Variants in CCDC88C observed in about 807,000 individuals in gnomAD.
CCDC88C encodes the protein coiled-coil and HOOK domain protein 88C, also known as protein Daple.
In CCDC88C, 131 loss-of-function variants were observed where a neutral mutation model predicts 198.8. That is an observed-to-expected ratio of 0.66 (90% CI 0.57 to 0.76). CCDC88C has a LOEUF of 0.76. CCDC88C is among the 30% of genes least tolerant of loss of function. The pLI is 0.00. For missense variants in CCDC88C, 2,553 were observed against 2,631.6 expected (o/e 0.97, Z 0.65); for synonymous variants, 1,166 against 1,114.7 (o/e 1.05, Z -0.92).
chr14:91,313,153 T>C lies in CCDC88C; in HGVS notation c.2663A>G (p.Glu888Gly), dbSNP rs1848157145. Residue 888 changes from glutamate (E) to glycine (G), a missense_variant, in exon 15 of 30, where the codon GAG becomes GGG. Glu to Gly is a moderately conservative substitution (Grantham distance 98, BLOSUM62 -2). Around this residue, in one of 2 missense-constraint regions of CCDC88C, gnomAD observed 1,260 missense variants for 1,412.0 expected, o/e 0.89. Coordinates refer to ENST00000389857, the MANE Select transcript of CCDC88C (RefSeq NM_001080414.4). The surrounding 1 kb of genome is among the most constrained non-coding windows in gnomAD (Gnocchi z 5.2). ...GAGGTCCCGGTTGTCCTTCTCCAGC[T>C]CCTTCAGCTTGCCGGCTGCGTCCCT... ...RCRDAAGKLK[E>G]LEKDNRDLTK... The C allele has an allele frequency of 6.2e-7, 1 of 1,610,744 alleles. No homozygotes were observed. Among genetic ancestry groups the C allele is most frequent in the African/African-American group, 1.3e-5 (1 of 74,850 alleles).
At chr14:91,314,218 A>G (rs1400800789) in intron 14 of CCDC88C, 68 bp from the exon 15 acceptor site, 4 of 1,294,180 alleles carry the variant, frequency 3.1e-6, no homozygotes, top group Non-Finnish European at 2.1e-6. Context: ...ATGGGCTCAC[A>G]CTGGGGATGG....
At position 91,339,348 on chromosome 14, in the gene CCDC88C, C is replaced by G. The variant is rs750472814; in HGVS notation, c.739G>C (p.Glu247Gln). Residue 247 changes from glutamate (E) to glutamine (Q), a missense_variant, in exon 8 of 30, where the codon GAA becomes CAA. Transcript: ENST00000389857. The surrounding 1 kb of genome is among the most constrained non-coding windows in gnomAD (Gnocchi z 5.8). ...TPSPTSSLSSEDKQHLAVELA... is the reference protein window; with the variant it reads ...TPSPTSSLSSQDKQHLAVELA... ...TCTACGGCCAGGTGCTGCTTGTCTTCGCTAGAGAGGCTGCTGGTGGGGCTG... is the reference window on the plus strand; with the variant it reads ...TCTACGGCCAGGTGCTGCTTGTCTTGGCTAGAGAGGCTGCTGGTGGGGCTG... The G allele has an allele frequency of 9.3e-6, 15 of 1,613,818 alleles. No homozygotes were observed. Among genetic ancestry groups the G allele is most frequent in the Non-Finnish European group, 1.2e-5 (14 of 1,179,856 alleles).
At chr14:91,332,332 C>T (rs1157412646) in intron 10 of CCDC88C, among the ~76,000 whole-genome samples, 2 of 152,198 alleles carry the variant, frequency 1.3e-5, no homozygotes, top group Admixed American at 6.5e-5. Flanking sequence ...AGGGACACCC[C>T]ACGCCCGCCC....
At chr14:91,409,792 G>A (rs772137988) in intron 2 of CCDC88C, among the ~76,000 whole-genome samples, 4 of 152,144 alleles carry the variant, frequency 2.6e-5, no homozygotes, top group Non-Finnish European at 5.9e-5. Context: ...GGCCAAAATG[G>A]TACATTTTCT....
intron 3 of CCDC88C, among the ~76,000 whole-genome samples, chr14:91,387,124 C>T (rs146758672): frequency 1.8e-4 from 27 of 152,294 alleles, no homozygotes; most frequent in African/African-American, 6.5e-4. Context: ...CGCAACTGTC[C>T]ACATCCAAAA....
At chr14:91,282,791 T>C (rs1890249566) in intron 26 of CCDC88C, among the ~76,000 whole-genome samples, 1 of 152,166 alleles carries the variant, frequency 6.6e-6, no homozygotes, top group Non-Finnish European at 1.5e-5. Flanking sequence ...CCAGGTGTAG[T>C]GGCTCAACAC....
At chr14:91,398,240 C>G (rs1885967329) in intron 3 of CCDC88C, among the ~76,000 whole-genome samples, 1 of 152,208 alleles carries the variant, frequency 6.6e-6, no homozygotes, top group African/African-American at 2.4e-5. Context: ...ACAAGTCCAA[C>G]TGGCACTCTA....
In CCDC88C at chr14:91,356,038, C is replaced by T. The variant is rs1285806; in HGVS notation, c.340+3604G>A. Among the ~76,000 whole-genome samples the T allele has an allele frequency of 9.5e-3, 1,449 of 152,190 alleles. 24 individuals are homozygous for T. The highest frequency in any genetic ancestry group is 0.021 in the East Asian group (110 of 5,184). ...CACACACGACGGGGATAGATTTAGT[C>T]AAAAAGCACACACATGCCCCACCCC... On this transcript the variant is annotated intron_variant, in intron 4 of 29. Transcript: ENST00000389857.
intron 4 of CCDC88C, among the ~76,000 whole-genome samples, chr14:91,359,275 C>T (rs370642090): frequency 7.0e-6 from 1 of 143,148 alleles, no homozygotes; most frequent in Non-Finnish European, 1.5e-5. Context: ...CTCAGCCTCC[C>T]GAGTAGCTGG....
rs1890101761 is a variant in CCDC88C, at chr14:91,279,290, G to C, written c.4716C>G (p.Ser1572Arg). Residue 1572 changes from serine (S) to arginine (R), a missense_variant, in exon 28 of 30, where the codon AGC becomes AGG. By Grantham distance (110) the Ser-to-Arg change is moderately radical. Coordinates refer to ENST00000389857, the MANE Select transcript of CCDC88C (RefSeq NM_001080414.4). ...NHRQYVSRPS[S>R]LESSRNTSSN... The stretch of plus-strand genomic sequence containing the variant: ...TGGATGTGTTTCTACTGCTCTCTAA[G>C]CTACTTGGCCGCGACACTGAAAGGA... 4 of 1,602,196 alleles carry C rather than the reference G, an allele frequency of 2.5e-6. No homozygotes were observed. Among genetic ancestry groups the C allele is most frequent in the Admixed American group, 1.7e-5 (1 of 58,598 alleles).
intron 3 of CCDC88C, among the ~76,000 whole-genome samples, chr14:91,385,906 A>T (rs374996754): frequency 6.6e-6 from 1 of 152,312 alleles, no homozygotes. Flanking sequence ...AACTGTCCAC[A>T]TGCATTTCTA....
Position 91,293,596 on chromosome 14 carries a change from T to TTCCTGTCCCCTCGCCTGCCAC in CCDC88C, c.4112+576_4112+577insGTGGCAGGCGAGGGGACAGGA, listed in dbSNP as rs1567056076. 3.5e-4 allele frequency among the ~76,000 whole-genome samples: 7 copies of TTCCTGTCCCCTCGCCTGCCAC among 19,842 alleles called. 1 individual carries two copies. The highest frequency in any genetic ancestry group is 1.0e-3 in the Admixed American group (2 of 1,936). 13.0% of individuals were successfully genotyped at this position (19,842 alleles called of 152,430 possible). A position where few individuals can be genotyped will look rare whatever the true frequency, so the allele number is the denominator to read the frequency against. On this transcript the variant is annotated intron_variant, in intron 23 of 29. Coordinates refer to ENST00000389857, the MANE Select transcript of CCDC88C (RefSeq NM_001080414.4). ...CACCTTCCTGTCCCCTCGCCTGCCA[T>TTCCTGTCCCCTCGCCTGCCAC]GGCCCACCTCCTGTGGGCCTCCCCC...
At chr14:91,408,797 G>C (rs370297209) in intron 2 of CCDC88C, 30 bp from the exon 3 acceptor site, 4 of 1,429,216 alleles carry the variant, frequency 2.8e-6, no homozygotes, top group Non-Finnish European at 3.9e-6. Context: ...AATGGAAATT[G>C]CATCTCCCAG....
intron 3 of CCDC88C, chr14:91,378,609 A>G (rs947759184): frequency 6.6e-6 from 1 of 152,288 alleles, no homozygotes; most frequent in African/African-American, 2.4e-5. Context: ...CCAAGACACC[A>G]AAAACGGAAT....
chr14:91,361,125 T>C (rs561595785), intron 3 of CCDC88C, among the ~76,000 whole-genome samples: 75 of 134,804 alleles, frequency 5.6e-4, no homozygotes, highest in Admixed American at 1.3e-3. Flanking sequence ...TAAAACCCTG[T>C]CTATAAAAAA....
rs775622305 is a variant in CCDC88C at position 91,338,120 on chromosome 14, C to T, written c.935G>A (p.Arg312Gln). The T allele has an allele frequency of 1.1e-5, 18 of 1,613,796 alleles. No homozygotes were observed. Among genetic ancestry groups the T allele is most frequent in the Non-Finnish European group, 1.4e-5 (17 of 1,179,896 alleles). ...AADARSARAYRDELDSLREKA... is the reference protein window; with the variant it reads ...AADARSARAYQDELDSLREKA... The stretch of plus-strand genomic sequence containing the variant: ...CTCCCGCAGGGAATCCAGCTCGTCT[C>T]GATAGGCACGAGCAGACCGGGCGTC... The change falls in exon 10 of 30, where the codon CGA (arginine) becomes CAA (glutamine). Residue 312 changes from arginine (R) to glutamine (Q), a missense_variant. This residue lies in a region of CCDC88C where 1,260 missense variants were observed against 1,412.0 expected (regional missense o/e 0.89). Coordinates refer to ENST00000389857, the MANE Select transcript of CCDC88C (RefSeq NM_001080414.4). The surrounding 1 kb of genome is among the most constrained non-coding windows in gnomAD (Gnocchi z 4.8).
At chr14:91,380,890 A>G (rs12437041) in intron 3 of CCDC88C, among the ~76,000 whole-genome samples, 45,691 of 151,950 alleles carry the variant, frequency 0.3, 7,256 homozygotes, top group East Asian at 0.4. Context: ...GACTATAACC[A>G]CTAACCACCA....
At chr14:91,382,821 G>A (rs1240102301) in intron 3 of CCDC88C, among the ~76,000 whole-genome samples, 4 of 152,160 alleles carry the variant, frequency 2.6e-5, no homozygotes, top group African/African-American at 9.7e-5. Context: ...TTTATCTCCT[G>A]CAATATAAAG....
intron 21 of CCDC88C, among the ~76,000 whole-genome samples, chr14:91,298,403 G>A (rs1037805767): frequency 3.3e-5 from 5 of 151,832 alleles, no homozygotes; most frequent in African/African-American, 9.7e-5. Context: ...GCATAGTGAC[G>A]CACACCTGTG....
Sources: gnomAD v4.1 joint callset for allele counts (sites outside exome capture counted in the v4.1 genomes callset) on GRCh38, gnomAD v4.1.1 for gene constraint, gnomAD v4.1.1 regional missense constraint, Gnocchi (gnomAD v3.1) non-coding constraint, MANE v1.5 for transcripts, NCBI Gene and HGNC (gene_info 2026-07-23, HGNC 2026-07-21) for gene names.